The following ACTL6A variants were observed in gnomAD, a reference collection of about 807,000 sequenced individuals.
The protein encoded by ACTL6A is actin like 6A.
Under a neutral mutation model 59.2 loss-of-function variants are expected in ACTL6A, and 5 were observed. The observed-to-expected ratio is 0.08, with a 90% CI of 0.04 to 0.18. The LOEUF is 0.18. Ranked by LOEUF, ACTL6A falls within the 10% of genes least tolerant of loss-of-function variation. ACTL6A has a pLI of 1.00. For synonymous variants in ACTL6A, 154 were observed against 171.8 expected (o/e 0.90, Z 0.81); for missense variants, 285 against 526.9 (o/e 0.54, Z 4.49).
At chr3:179,583,192 T>G (rs1337762614) in intron 11 of ACTL6A, 161 bp from the exon 12 acceptor site, 16 of 480,946 alleles carry the variant, frequency 3.3e-5, no homozygotes, top group Non-Finnish European at 5.9e-5. Flanking sequence ...ACAGCCAGGA[T>G]GGAGAATTGA....
At chr3:179,574,326 T>C (rs1348600057) in intron 4 of ACTL6A, 44 bp from the exon 5 acceptor site, 4 of 1,306,122 alleles carry the variant, frequency 3.1e-6, no homozygotes, top group Non-Finnish European at 4.4e-6. Flanking sequence ...AAATCAACTT[T>C]TTAATTCTTA....
chr3:179,579,040 G>T (rs1486105186), intron 8 of ACTL6A, among the ~76,000 whole-genome samples: 2 of 152,182 alleles, frequency 1.3e-5, no homozygotes, highest in Non-Finnish European at 2.9e-5. Context: ...ACTGTGCCCG[G>T]CCCTATTTTT....
In ACTL6A at chr3:179,570,022, T is replaced by C. The variant is rs1717955294; in HGVS notation, c.103-45T>C. 8 of 1,591,696 alleles carry C rather than the reference T, an allele frequency of 5.0e-6. No homozygotes were observed. The highest frequency in any genetic ancestry group is 1.8e-5 in the Admixed American group (1 of 55,344). ...CATTAATTGGGGAAAAAATGCCTTC[T>C]TGATGAAAGGTGAAACTTGTATGTC... is the stretch of plus-strand genomic sequence containing the variant. On this transcript the variant is annotated intron_variant, in intron 2 of 13. Transcript: ENST00000429709. The surrounding 1 kb of genome is among the most constrained non-coding windows in gnomAD (Gnocchi z 4.3).
chr3:179,583,303 C>T (rs1012421588), intron 11 of ACTL6A, 50 bp from the exon 12 acceptor site: 6 of 1,442,518 alleles, frequency 4.2e-6, no homozygotes, highest in Non-Finnish European at 5.8e-6. Flanking sequence ...GTATTTAAAA[C>T]TTTTGGAAAC....
In ACTL6A at chr3:179,576,315, A is replaced by C. The variant is rs1219322550; in HGVS notation, c.571+4A>C. The C allele has an allele frequency of 3.8e-6, 6 of 1,586,468 alleles. No individual in the cohort carries two copies. Among genetic ancestry groups the C allele is most frequent in the Non-Finnish European group, 5.1e-6 (6 of 1,169,274 alleles). On this transcript the variant is annotated splice_donor_region_variant and intron_variant, in intron 6 of 13. Coordinates refer to ENST00000429709, the MANE Select transcript of ACTL6A (RefSeq NM_004301.5). The stretch of plus-strand genomic sequence containing the variant: ...GATGGCTATGTCCTTCAACAAGGTA[A>C]ATGTATTTAACCAGGATACACTGAG...
intron 8 of ACTL6A, among the ~76,000 whole-genome samples, chr3:179,577,429 G>A (rs1718199556): frequency 6.6e-6 from 1 of 151,878 alleles, no homozygotes; most frequent in Non-Finnish European, 1.5e-5. Flanking sequence ...TTACTGATGG[G>A]GAAGAGGTTA....
chr3:179,571,420 CAAAAAAAAAAACAA>C (rs778497702), intron 3 of ACTL6A, among the ~76,000 whole-genome samples: 20 of 120,992 alleles, frequency 1.7e-4, no homozygotes, highest in Admixed American at 9.5e-4. Context: ...GACTCTGTCT[CAAAAAAAAAAACAA>C]AAAAAAAAAA....
intron 1 of ACTL6A, among the ~76,000 whole-genome samples, chr3:179,564,958 CCAAAGTGCTAGGATTA>C (rs1475977131): frequency 1.3e-5 from 2 of 151,558 alleles, no homozygotes; most frequent in African/African-American, 4.9e-5. Context: ...CCTCAGCCTC[CCAAAGTGCTAGGATTA>C]CAGGTTTGAG....
intron 6 of ACTL6A, 45 bp from the exon 7 acceptor site, chr3:179,576,575 G>T: frequency 6.8e-7 from 1 of 1,475,352 alleles, no homozygotes; most frequent in Non-Finnish European, 9.4e-7. Flanking sequence ...GTTCAAGGAA[G>T]TTTGGACTTA....
chr3:179,573,193 T>C, intron 3 of ACTL6A, 176 bp from the exon 4 acceptor site: 1 of 468,780 alleles, frequency 2.1e-6, no homozygotes, highest in Non-Finnish European at 3.7e-6. Flanking sequence ...GTTCTATATA[T>C]CTAGAAGGCA....
intron 8 of ACTL6A, among the ~76,000 whole-genome samples, chr3:179,579,190 G>A (rs985322101): frequency 6.6e-6 from 1 of 151,854 alleles, no homozygotes; most frequent in African/African-American, 2.4e-5. Context: ...GTTTTCTTTT[G>A]AAGTGTCTAT....
chr3:179,579,165 G>A (rs1718257601), intron 8 of ACTL6A, among the ~76,000 whole-genome samples: 1 of 152,030 alleles, frequency 6.6e-6, no homozygotes, highest in Non-Finnish European at 1.5e-5. Context: ...TTCATATGCT[G>A]TTGGCCGCAT....
chr3:179,586,046 T>C (rs1231513738), intron 12 of ACTL6A, among the ~76,000 whole-genome samples: 1 of 152,162 alleles, frequency 6.6e-6, no homozygotes, highest in Non-Finnish European at 1.5e-5. Flanking sequence ...TAGGTTGGTG[T>C]TGGATGAAAT....
intron 13 of ACTL6A, among the ~76,000 whole-genome samples, chr3:179,587,676 C>G (rs1367228839): frequency 6.6e-6 from 1 of 151,948 alleles, no homozygotes; most frequent in Non-Finnish European, 1.5e-5. Context: ...GAGTATGAGA[C>G]CAGCCTGGGC....
chr3:179,574,262 T>C (rs1718101324), intron 4 of ACTL6A, 108 bp from the exon 5 acceptor site: 2 of 581,636 alleles, frequency 3.4e-6, no homozygotes, highest in Non-Finnish European at 6.2e-6. Context: ...TATTTTATTC[T>C]GTTCTTAATG....
rs1055469100 is a variant in ACTL6A at position 179,573,258 on chromosome 3, G to C, written c.278-111G>C. 1.3e-5 allele frequency: 8 copies of C among 630,150 alleles called. No individual in the cohort carries two copies. In the East Asian group the frequency reaches 2.6e-4, roughly 21 times the overall value. The allele number at this position is 630,150 out of a possible 1,614,324, so 39.0% of individuals were successfully genotyped here. ...ATGAAGTTGATCTGTAAAATCAGTA[G>C]GTTCTGTATACTAAAGTATTAATTG... On this transcript the variant is annotated intron_variant, in intron 3 of 13. Coordinates refer to ENST00000429709, the MANE Select transcript of ACTL6A (RefSeq NM_004301.5).
intron 3 of ACTL6A, among the ~76,000 whole-genome samples, chr3:179,571,716 T>C (rs1718014077): frequency 6.6e-6 from 1 of 152,236 alleles, no homozygotes; most frequent in Non-Finnish European, 1.5e-5. Flanking sequence ...AGGAGAACTC[T>C]GAGGCTCAGT....
intron 1 of ACTL6A, among the ~76,000 whole-genome samples, chr3:179,565,557 C>T (rs571857861): frequency 2.1e-4 from 31 of 147,238 alleles, no homozygotes; most frequent in African/African-American, 7.2e-4. Flanking sequence ...TTATTGATTC[C>T]GTGTGGTGGA....
At chr3:179,580,524 C>A in intron 8 of ACTL6A, 116 bp from the exon 9 acceptor site, 1 of 674,806 alleles carries the variant, frequency 1.5e-6, no homozygotes, top group South Asian at 2.2e-5. Context: ...AAATGATTTA[C>A]CCATCTAGAA....
Sources: allele counts gnomAD v4.1 joint callset (sites outside exome capture counted in the v4.1 genomes callset), GRCh38; gene constraint gnomAD v4.1.1; non-coding constraint Gnocchi (gnomAD v3.1); transcripts MANE v1.5; gene names NCBI Gene and HGNC (gene_info 2026-07-23, HGNC 2026-07-21).